The following THSD7A variants were observed in gnomAD, a reference collection of about 807,000 sequenced individuals.
THSD7A encodes the protein thrombospondin type 1 domain containing 7A.
THSD7A carries 96 observed loss-of-function variants against 231.3 expected under a neutral mutation model. That is an observed-to-expected ratio of 0.41 (90% CI 0.35 to 0.49). The LOEUF is 0.49. Ranked by LOEUF, THSD7A falls within the 20% of genes least tolerant of loss-of-function variation. The pLI is 0.05. For synonymous variants in THSD7A, 940 were observed against 743.3 expected (o/e 1.26, Z -4.30); for missense variants, 2,290 against 2,070.2 (o/e 1.11, Z -2.06).
At chr7:11,663,160 G>C (rs887187078) in intron 1 of THSD7A, among the ~76,000 whole-genome samples, 1 of 151,074 alleles carries the variant, frequency 6.6e-6, no homozygotes, top group Non-Finnish European at 1.5e-5. Context: ...TAATATAAAT[G>C]ACTAATATTA....
At chr7:11,652,081 C>T (rs891296089) in intron 1 of THSD7A, among the ~76,000 whole-genome samples, 4 of 151,846 alleles carry the variant, frequency 2.6e-5, no homozygotes, top group Non-Finnish European at 4.4e-5. Flanking sequence ...CTCTGGTTAA[C>T]AAATGTGTCC....
rs1188958042 is a variant in THSD7A, at chr7:11,375,850, G to A, written c.4918C>T (p.Gln1640Ter). ...GTTAAAGGTTTCAGTCGGTTGTTTT[G>A]CCTTCTTTGGGGTTTCTTTGGCTTT... ...CKKPKKPQRRQNNRLKPLTLA... is the reference protein window; with the variant it reads ...CKKPKKPQRR Residue 1640 changes from glutamine to a stop codon, truncating the protein, a stop_gained, in exon 28 of 28, where the codon CAA (glutamine) becomes TAA (stop). Transcript: ENST00000423059. LOFTEE classifies it high-confidence loss of function. 2 of 1,612,602 alleles carry A rather than the reference G, an allele frequency of 1.2e-6. No individual in the cohort carries two copies. Among genetic ancestry groups the A allele is most frequent in the African/African-American group, 1.3e-5 (1 of 74,900 alleles).
intron 1 of THSD7A, among the ~76,000 whole-genome samples, chr7:11,743,467 T>A (rs1782177402): frequency 6.6e-6 from 1 of 151,974 alleles, no homozygotes; most frequent in Non-Finnish European, 1.5e-5. Flanking sequence ...GAATATCTGA[T>A]AATTAAGAAA....
chr7:11,690,483 C>T (rs1270882436), intron 1 of THSD7A, among the ~76,000 whole-genome samples: 1 of 151,716 alleles, frequency 6.6e-6, no homozygotes, highest in Non-Finnish European at 1.5e-5. Context: ...GGTATTTTAT[C>T]TCCTGTCTTG....
At chr7:11,468,018 C>A (rs1331462090) in intron 9 of THSD7A, among the ~76,000 whole-genome samples, 1 of 151,770 alleles carries the variant, frequency 6.6e-6, no homozygotes, top group South Asian at 2.1e-4. Context: ...TACTTTAGAT[C>A]AAATCAACTT....
At chr7:11,510,863 A>G (rs1787777811) in intron 6 of THSD7A, among the ~76,000 whole-genome samples, 1 of 152,136 alleles carries the variant, frequency 6.6e-6, no homozygotes, top group African/African-American at 2.4e-5. Context: ...ATTCCCTTTG[A>G]AAACTGGCAC....
intron 9 of THSD7A, among the ~76,000 whole-genome samples, chr7:11,466,698 C>T (rs1208175912): frequency 2.0e-5 from 3 of 152,098 alleles, no homozygotes; most frequent in Non-Finnish European, 4.4e-5. Context: ...CTCCGGATGA[C>T]ATGACCTGTG....
chr7:11,741,837 A>G (rs1235282518), intron 1 of THSD7A, among the ~76,000 whole-genome samples: 1 of 151,956 alleles, frequency 6.6e-6, no homozygotes, highest in African/African-American at 2.4e-5. Context: ...TAGTATTTAT[A>G]AAACTACCTT....
chr7:11,401,503 G>A (rs1783401040), intron 23 of THSD7A, among the ~76,000 whole-genome samples: 2 of 152,034 alleles, frequency 1.3e-5, no homozygotes, highest in South Asian at 4.2e-4. Context: ...TGCAGTCTCT[G>A]GCCTCCCGGG....
At chr7:11,497,266 C>A (rs1182663563) in intron 6 of THSD7A, among the ~76,000 whole-genome samples, 6 of 152,066 alleles carry the variant, frequency 3.9e-5, no homozygotes, top group Admixed American at 3.9e-4. Context: ...TCAGCAGGTC[C>A]CTTTCACAAT....
intron 1 of THSD7A, among the ~76,000 whole-genome samples, chr7:11,684,905 A>G (rs911379009): frequency 6.6e-6 from 1 of 151,940 alleles, no homozygotes; most frequent in African/African-American, 2.4e-5. Flanking sequence ...AAAAAAGCCA[A>G]AACAACCAAA....
At chr7:11,449,898 T>A (rs1457516723) in intron 11 of THSD7A, among the ~76,000 whole-genome samples, 2 of 152,042 alleles carry the variant, frequency 1.3e-5, no homozygotes, top group East Asian at 3.9e-4. Flanking sequence ...AATGATATAT[T>A]TGGAAAATAA....
Position 11,460,652 on chromosome 7 carries a change from G to A in THSD7A, c.2605+10C>T. On this transcript the variant is annotated intron_variant, in intron 11 of 27. Coordinates refer to ENST00000423059, the MANE Select transcript of THSD7A (RefSeq NM_015204.3). ...GCTGGAGAAATGAACTGTGGAATGG[G>A]GCCTCCCACCTCTTGCCTGTCGCCC... is the stretch of plus-strand genomic sequence containing the variant. 1 of 1,596,478 alleles carries A rather than the reference G, an allele frequency of 6.3e-7. No individual in the cohort carries two copies. The highest frequency in any genetic ancestry group is 8.5e-7 in the Non-Finnish European group (1 of 1,170,860).
chr7:11,462,279 A>C, intron 9 of THSD7A, 136 bp from the exon 10 acceptor site: 1 of 840,786 alleles, frequency 1.2e-6, no homozygotes, highest in East Asian at 2.7e-5. Context: ...CCTGGTCTAA[A>C]CATTCACTAA....
chr7:11,405,920 C>T (rs995453378), intron 22 of THSD7A, among the ~76,000 whole-genome samples: 3 of 152,064 alleles, frequency 2.0e-5, no homozygotes, highest in Non-Finnish European at 4.4e-5. Context: ...TGTTTTTAGC[C>T]ATTATGTATT....
chr7:11,406,856 G>A lies in THSD7A; in HGVS notation c.4062+54C>T. ...ATTATTTTTATGTTTTTCTGCAGAT[G>A]AAGTCTCTGCAGATAGAGTACACAC... On this transcript the variant is annotated intron_variant, in intron 21 of 27. Transcript: ENST00000423059. This position sits in a 1 kb window ranked among gnomAD's most constrained non-coding sequence, Gnocchi z 4.7. The A allele has an allele frequency of 6.4e-7, 1 of 1,565,588 alleles. No homozygotes were observed. The highest frequency in any genetic ancestry group is 8.7e-7 in the Non-Finnish European group (1 of 1,147,260).
At chr7:11,562,967 G>T (rs1488776214) in intron 4 of THSD7A, among the ~76,000 whole-genome samples, 1 of 152,162 alleles carries the variant, frequency 6.6e-6, no homozygotes, top group Admixed American at 6.5e-5. Flanking sequence ...TGGATGATTT[G>T]CTCAAAGCTT....
intron 1 of THSD7A, among the ~76,000 whole-genome samples, chr7:11,816,775 C>T (rs1034003000): frequency 1.3e-5 from 2 of 152,020 alleles, no homozygotes; most frequent in Non-Finnish European, 2.9e-5. Context: ...AAAGTCACTA[C>T]TATAAATACC....
intron 1 of THSD7A, among the ~76,000 whole-genome samples, chr7:11,753,704 A>C (rs1782581516): frequency 6.6e-6 from 1 of 151,954 alleles, no homozygotes; most frequent in Non-Finnish European, 1.5e-5. Flanking sequence ...CATATGAAAA[A>C]CACTTAAGAA....
Sources: gnomAD v4.1 joint callset for allele counts (sites outside exome capture counted in the v4.1 genomes callset) on GRCh38, gnomAD v4.1.1 for gene constraint, Gnocchi (gnomAD v3.1) non-coding constraint, MANE v1.5 for transcripts, NCBI Gene and HGNC (gene_info 2026-07-23, HGNC 2026-07-21) for gene names.